CCDC7: variants seen among roughly 807,000 people sequenced by gnomAD.
CCDC7 encodes the protein coiled-coil domain containing 7, also known as coiled-coil domain-containing protein 7.
Under a neutral mutation model 196.9 loss-of-function variants are expected in CCDC7, and 183 were observed. That is an observed-to-expected ratio of 0.93 (90% CI 0.82 to 1.05). The LOEUF (loss-of-function observed/expected upper bound fraction) is 1.05. Ranked by LOEUF, CCDC7 falls within the 50% of genes least tolerant of loss-of-function variation. The probability of loss-of-function intolerance (pLI) is 0.00; values close to 1 mark genes in which losing one functional copy is unlikely to be tolerated. For synonymous variants in CCDC7, 525 were observed against 484.6 expected (o/e 1.08, Z -1.10); for missense variants, 1,540 against 1,482.2 (o/e 1.04, Z -0.64).
chr10:32,801,092 A>G (rs1006446672), intron 29 of CCDC7, among the ~76,000 whole-genome samples: 11 of 152,296 alleles, frequency 7.2e-5, no homozygotes, highest in Middle Eastern at 6.8e-3. Context: ...TTTAAATTTT[A>G]TAGCTGAAGT....
chr10:32,811,761 C>A (rs1304309478), intron 30 of CCDC7, among the ~76,000 whole-genome samples: 1 of 151,856 alleles, frequency 6.6e-6, no homozygotes, highest in Non-Finnish European at 1.5e-5. Flanking sequence ...CAGACAAGGA[C>A]ATAAAAAAAT....
intron 24 of CCDC7, among the ~76,000 whole-genome samples, chr10:32,702,051 C>A (rs1488171416): frequency 1.3e-5 from 2 of 151,996 alleles, no homozygotes; most frequent in Admixed American, 6.6e-5. Flanking sequence ...TTATTTCTTG[C>A]CTTCTGCAAA....
intron 9 of CCDC7, chr10:32,511,565 G>A: frequency 6.2e-7 from 1 of 1,606,956 alleles, no homozygotes; most frequent in Non-Finnish European, 8.5e-7. Flanking sequence ...TGTGTATGCA[G>A]AAACCAAATC....
exon 17 of CCDC7, chr10:32,583,242 G>C (rs2058911597): frequency 1.6e-6 from 2 of 1,231,148 alleles, no homozygotes; most frequent in African/African-American, 3.1e-5. Context: ...TGGAACATTG[G>C]CTCAAAAAAA....
chr10:32,536,358 C>T (rs1031887162), intron 11 of CCDC7, among the ~76,000 whole-genome samples: 10 of 152,142 alleles, frequency 6.6e-5, no homozygotes, highest in African/African-American at 2.4e-4. Flanking sequence ...CACCCCATGC[C>T]TCTCCTGTGC....
At chr10:32,707,423 C>T (rs2079975911) in intron 24 of CCDC7, among the ~76,000 whole-genome samples, 1 of 152,084 alleles carries the variant, frequency 6.6e-6, no homozygotes, top group Non-Finnish European at 1.5e-5. Context: ...GACAGGGATG[C>T]CCTCTCTCAC....
At chr10:32,460,562 CG>C (rs1484401725) in intron 3 of CCDC7, among the ~76,000 whole-genome samples, 1 of 152,056 alleles carries the variant, frequency 6.6e-6, no homozygotes, top group African/African-American at 2.4e-5. Context: ...TTGAGAACCC[CG>C]GAATCTTTCT....
chr10:32,814,911 G>A (rs528078571), intron 31 of CCDC7, among the ~76,000 whole-genome samples: 1 of 152,130 alleles, frequency 6.6e-6, no homozygotes, highest in Non-Finnish European at 1.5e-5. Flanking sequence ...TTCAAAGAGT[G>A]CCCTGCTAAA....
chr10:32,608,065 A>G (rs1417589476), intron 18 of CCDC7, among the ~76,000 whole-genome samples: 1 of 152,018 alleles, frequency 6.6e-6, no homozygotes, highest in Non-Finnish European at 1.5e-5. Context: ...GCATTTATTC[A>G]TCTCTTCCAC....
At chr10:32,499,568 G>A (rs1415345428) in intron 9 of CCDC7, among the ~76,000 whole-genome samples, 2 of 151,894 alleles carry the variant, frequency 1.3e-5, no homozygotes, top group African/African-American at 4.8e-5. Context: ...CTGGGAAAGA[G>A]GGAGCCCTAA....
intron 15 of CCDC7, among the ~76,000 whole-genome samples, chr10:32,570,375 C>A (rs1219665598): frequency 6.6e-6 from 1 of 152,136 alleles, no homozygotes; most frequent in African/African-American, 2.4e-5. Flanking sequence ...TCTTTCCAGG[C>A]CAGTCTCATG....
chr10:32,501,713 C>T (rs2044069672), intron 9 of CCDC7, among the ~76,000 whole-genome samples: 1 of 152,212 alleles, frequency 6.6e-6, no homozygotes, highest in African/African-American at 2.4e-5. Flanking sequence ...CCTCTGGAAG[C>T]TTCATCTCAG....
At chr10:32,814,766 GTTAT>G (rs1177724892) in intron 31 of CCDC7, among the ~76,000 whole-genome samples, 2 of 152,168 alleles carry the variant, frequency 1.3e-5, no homozygotes, top group Middle Eastern at 3.2e-3. Context: ...CTGCAATAAA[GTTAT>G]TTAGTTATAT....
At chr10:32,734,965 C>G (rs2084618730) in intron 28 of CCDC7, among the ~76,000 whole-genome samples, 1 of 151,786 alleles carries the variant, frequency 6.6e-6, no homozygotes, top group Non-Finnish European at 1.5e-5. Context: ...TTAAAAAATG[C>G]ATTTTGTTTT....
At chr10:32,625,330 T>C (rs1157608162) in intron 18 of CCDC7, among the ~76,000 whole-genome samples, 1 of 151,952 alleles carries the variant, frequency 6.6e-6, no homozygotes, top group African/African-American at 2.4e-5. Flanking sequence ...CTCGGTTTAT[T>C]ACTGGGCTCT....
chr10:32,488,738 A>C (rs939726969), intron 8 of CCDC7, among the ~76,000 whole-genome samples: 1 of 152,300 alleles, frequency 6.6e-6, no homozygotes, highest in East Asian at 1.9e-4. Context: ...TAAGTTGTCC[A>C]TCAGTGTTTT....
chr10:32,708,713 T>C (rs918690344), intron 24 of CCDC7, among the ~76,000 whole-genome samples: 4 of 152,070 alleles, frequency 2.6e-5, no homozygotes, highest in African/African-American at 9.7e-5. Flanking sequence ...AAAAAACACA[T>C]GAAAAAATGC....
At chr10:32,640,834 G>A (rs1327355281) in intron 20 of CCDC7, among the ~76,000 whole-genome samples, 2 of 148,372 alleles carry the variant, frequency 1.3e-5, no homozygotes. Flanking sequence ...TTGAATATTG[G>A]CCCCCAGTCT....
chr10:32,694,993 G>T lies in CCDC7; in HGVS notation c.2458+1G>T. 6.6e-7 allele frequency: 1 copy of T among 1,513,362 alleles called. No individual in the cohort carries two copies. The highest frequency in any genetic ancestry group is 1.2e-5 in the South Asian group (1 of 83,776). 93.7% of individuals were successfully genotyped at this position (1,513,362 alleles called of 1,614,324 possible). On this transcript the variant is annotated splice_donor_variant, in intron 24 of 41. Transcript: ENST00000639629. LOFTEE classifies it high-confidence loss of function. ...CTTCCTAGAGAGAAAAGACATAGTA[G>T]TAAGTATAATAATTATAGATAACTT...
Sources: gnomAD v4.1 joint callset for allele counts (sites outside exome capture counted in the v4.1 genomes callset) on GRCh38, gnomAD v4.1.1 for gene constraint, MANE v1.5 for transcripts, NCBI Gene and HGNC (gene_info 2026-07-23, HGNC 2026-07-21) for gene names.